Variants in BMPER observed in about 807,000 individuals in gnomAD.
BMPER encodes the protein BMP binding endothelial regulator, also known as BMP-binding endothelial regulator protein.
A neutral mutation model predicts 87.3 loss-of-function variants in BMPER; 45 were observed. That is an observed-to-expected ratio of 0.52 (90% CI 0.41 to 0.66). The LOEUF is 0.66. Among genes scored for constraint, BMPER ranks in the 30% least tolerant of loss-of-function variants. The pLI is 0.00. For missense variants in BMPER, 784 were observed against 867.5 expected (o/e 0.90, Z 1.21); for synonymous variants, 326 against 316.2 (o/e 1.03, Z -0.33).
At chr7:34,046,711 C>T (rs1787980172) in intron 7 of BMPER, among the ~76,000 whole-genome samples, 1 of 152,056 alleles carries the variant, frequency 6.6e-6, no homozygotes, top group Non-Finnish European at 1.5e-5. Flanking sequence ...AGGGCATATG[C>T]CTATTAACAG....
intron 3 of BMPER, among the ~76,000 whole-genome samples, chr7:33,954,381 T>TA (rs1221581034): frequency 6.6e-6 from 1 of 152,238 alleles, no homozygotes; most frequent in East Asian, 1.9e-4. Flanking sequence ...CGTCTAATGT[T>TA]AAAATATATA....
At chr7:33,990,424 GT>G (rs1025372589) in intron 6 of BMPER, among the ~76,000 whole-genome samples, 2 of 138,300 alleles carry the variant, frequency 1.4e-5, no homozygotes, top group Admixed American at 7.5e-5. Context: ...TTTGTCTGTT[GT>G]TGGTGTGTAA....
chr7:34,120,265 G>A (rs865838158), intron 13 of BMPER, among the ~76,000 whole-genome samples: 3 of 152,086 alleles, frequency 2.0e-5, no homozygotes, highest in African/African-American at 7.2e-5. Flanking sequence ...ATGGAAAATT[G>A]TAAAAACTTG....
chr7:34,028,445 C>T (rs1787417991), intron 6 of BMPER, among the ~76,000 whole-genome samples: 1 of 151,600 alleles, frequency 6.6e-6, no homozygotes, highest in Non-Finnish European at 1.5e-5. Context: ...TCAAGTCAAC[C>T]AAAACTCTTT....
intron 13 of BMPER, among the ~76,000 whole-genome samples, chr7:34,130,288 C>T (rs1354082035): frequency 1.3e-5 from 2 of 152,084 alleles, no homozygotes; most frequent in Non-Finnish European, 2.9e-5. Context: ...ATGGCCTTTC[C>T]TCATTGCCTC....
At chr7:33,981,796 GAA>G (rs1302664853) in intron 6 of BMPER, among the ~76,000 whole-genome samples, 2 of 152,194 alleles carry the variant, frequency 1.3e-5, no homozygotes, top group Admixed American at 1.3e-4. Flanking sequence ...AGCTCAGAAA[GAA>G]AAAGAGATTC....
At chr7:34,080,216 T>G (rs947818881) in intron 12 of BMPER, among the ~76,000 whole-genome samples, 10 of 152,248 alleles carry the variant, frequency 6.6e-5, no homozygotes, top group African/African-American at 2.4e-4. Context: ...TTTCTTTAGA[T>G]AATGAAACAT....
At chr7:34,149,478 C>G (rs1791115450) in intron 14 of BMPER, among the ~76,000 whole-genome samples, 1 of 152,132 alleles carries the variant, frequency 6.6e-6, no homozygotes, top group East Asian at 1.9e-4. Context: ...GGAAAAGAAT[C>G]AGAACTAATG....
At chr7:33,991,940 T>C (rs1211496718) in intron 6 of BMPER, among the ~76,000 whole-genome samples, 1 of 141,924 alleles carries the variant, frequency 7.0e-6, no homozygotes, top group Admixed American at 7.2e-5. Context: ...AGTGAGATTC[T>C]TAATCCTGAG....
At chr7:34,111,280 GAGCTGTACCTA>G (rs1789955348) in intron 13 of BMPER, among the ~76,000 whole-genome samples, 1 of 152,250 alleles carries the variant, frequency 6.6e-6, no homozygotes, top group Non-Finnish European at 1.5e-5. Flanking sequence ...TTGTCCTGGT[GAGCTGTACCTA>G]AGGTTTTGCC....
chr7:33,989,652 G>A (rs1355623149), intron 6 of BMPER, among the ~76,000 whole-genome samples: 3 of 152,166 alleles, frequency 2.0e-5, no homozygotes, highest in Non-Finnish European at 4.4e-5. Flanking sequence ...GCCTTTTGTT[G>A]CCATTGCTTT....
At chr7:34,149,575 C>T (rs186650352) in intron 14 of BMPER, among the ~76,000 whole-genome samples, 3 of 151,928 alleles carry the variant, frequency 2.0e-5, no homozygotes, top group African/African-American at 4.8e-5. Context: ...AAAACAATGT[C>T]GGGGGGAGAT....
At chr7:34,131,698 C>T (rs925004313) in intron 13 of BMPER, among the ~76,000 whole-genome samples, 6 of 152,320 alleles carry the variant, frequency 3.9e-5, no homozygotes, top group African/African-American at 7.2e-5. Flanking sequence ...AATTACTGCA[C>T]TCTCTGGAGG....
intron 2 of BMPER, among the ~76,000 whole-genome samples, chr7:33,927,327 G>A (rs529388263): frequency 3.7e-4 from 56 of 152,302 alleles, no homozygotes; most frequent in African/African-American, 1.3e-3. Flanking sequence ...CTGTAGGTAC[G>A]TTATCCAGGA....
Position 34,012,803 on chromosome 7 carries a change from A to T in BMPER, c.577-33503A>T, listed in dbSNP as rs1414354229. Among the ~76,000 whole-genome samples, 3 of 152,034 alleles carry T rather than the reference A, an allele frequency of 2.0e-5. No homozygotes were observed. The East Asian group carries it at 5.8e-4, about 29-fold the overall frequency. On this transcript the variant is annotated intron_variant, in intron 6 of 14. Transcript: ENST00000649409. ...AGACTCATGAAGGAAAATCAAATATATCAATTATAACCATAAATCTAATTG... is the reference window on the plus strand; with the variant it reads ...AGACTCATGAAGGAAAATCAAATATTTCAATTATAACCATAAATCTAATTG...
chr7:34,020,222 A>G (rs1319734184), intron 6 of BMPER, among the ~76,000 whole-genome samples: 2 of 151,972 alleles, frequency 1.3e-5, no homozygotes, highest in African/African-American at 4.8e-5. Flanking sequence ...TAATCCATGA[A>G]AAAAATCTGA....
intron 2 of BMPER, among the ~76,000 whole-genome samples, chr7:33,934,517 CAAA>C (rs11340819): frequency 1.7e-5 from 1 of 59,288 alleles, no homozygotes; most frequent in Non-Finnish European, 4.2e-5. Flanking sequence ...TGTGTGTGTA[CAAA>C]AAAAAAAAAA....
At chr7:33,906,253 A>G (rs749244068) in intron 1 of BMPER, among the ~76,000 whole-genome samples, 1 of 152,216 alleles carries the variant, frequency 6.6e-6, no homozygotes, top group Non-Finnish European at 1.5e-5. Flanking sequence ...CTCAGCTGCT[A>G]TTCTGAAGGA....
chr7:34,139,378 T>C (rs915657610), intron 13 of BMPER, among the ~76,000 whole-genome samples: 2 of 152,230 alleles, frequency 1.3e-5, no homozygotes, highest in African/African-American at 4.8e-5. Context: ...CTCCCATTCT[T>C]TACTTTCCCA....
Sources: allele counts gnomAD v4.1 joint callset (sites outside exome capture counted in the v4.1 genomes callset), GRCh38; gene constraint gnomAD v4.1.1; transcripts MANE v1.5; gene names NCBI Gene and HGNC (gene_info 2026-07-23, HGNC 2026-07-21).